CHKA: variants seen among roughly 807,000 people sequenced by gnomAD.
CHKA encodes the protein choline kinase alpha.
A neutral mutation model predicts 60.1 loss-of-function variants in CHKA; 34 were observed. The ratio of observed to expected loss-of-function variants is 0.57; its 90% CI spans 0.43 to 0.75. CHKA has a LOEUF of 0.75. Among genes scored for constraint, CHKA ranks in the 30% least tolerant of loss-of-function variants. The pLI is 0.00. For synonymous variants in CHKA, 217 were observed against 223.1 expected, an observed-to-expected ratio of 0.97 and a Z score of 0.24; for missense variants, 563 against 561.3, an observed-to-expected ratio of 1.00 and a Z score of -0.03.
At chr11:68,065,750 A>G in intron 9 of CHKA, 36 bp downstream of exon 9, 2 of 1,337,272 alleles carry the variant, frequency 1.5e-6, no homozygotes, top group Non-Finnish European at 2.1e-6. Flanking sequence ...TTGACATGTA[A>G]TTTTCCTATC....
intron 1 of CHKA, among the ~76,000 whole-genome samples, chr11:68,113,435 G>T (rs1199476456): frequency 1.3e-5 from 2 of 152,154 alleles, no homozygotes; most frequent in African/African-American, 4.8e-5. Flanking sequence ...GGTGGTTCAC[G>T]CCTGTAATCC....
intron 1 of CHKA, among the ~76,000 whole-genome samples, chr11:68,103,133 C>G (rs1395924305): frequency 6.6e-6 from 1 of 152,070 alleles, no homozygotes; most frequent in Admixed American, 6.6e-5. Context: ...AAGATTCCAT[C>G]CCTCAATAAC....
intron 1 of CHKA, among the ~76,000 whole-genome samples, chr11:68,102,157 T>C (rs1032444182): frequency 6.7e-6 from 1 of 149,660 alleles, no homozygotes; most frequent in Admixed American, 6.7e-5. Flanking sequence ...ATACATTCAA[T>C]GCAATCCCTA....
At chr11:68,120,663 A>G (rs970233430) in intron 1 of CHKA, 165 bp downstream of exon 1, 10 of 240,950 alleles carry the variant, frequency 4.2e-5, no homozygotes, top group Non-Finnish European at 3.0e-5. Context: ...GGGCTGGGAG[A>G]AGGAGGGCTT....
At chr11:68,089,038 A>C (rs1590862691) in intron 2 of CHKA, among the ~76,000 whole-genome samples, 1 of 152,330 alleles carries the variant, frequency 6.6e-6, no homozygotes, top group Non-Finnish European at 1.5e-5. Flanking sequence ...GACCAGCCTA[A>C]AACACCTTGA....
intron 1 of CHKA, among the ~76,000 whole-genome samples, chr11:68,109,067 C>T (rs931242855): frequency 6.6e-6 from 1 of 150,696 alleles, no homozygotes; most frequent in African/African-American, 2.4e-5. Flanking sequence ...GGCAAAGAAA[C>T]CTTTCCTTTT....
At chr11:68,056,067 C>T (rs1856004651) in intron 11 of CHKA, among the ~76,000 whole-genome samples, 1 of 152,020 alleles carries the variant, frequency 6.6e-6, no homozygotes. Context: ...AATAATGAAG[C>T]AGGCTGTTTG....
chr11:68,085,688 A>C (rs1215979419), intron 2 of CHKA, among the ~76,000 whole-genome samples: 1 of 152,210 alleles, frequency 6.6e-6, no homozygotes, highest in African/African-American at 2.4e-5. Context: ...TTTTATAATA[A>C]ATACATTTGA....
chr11:68,083,929 C>T (rs775940352), intron 2 of CHKA, among the ~76,000 whole-genome samples: 185 of 152,042 alleles, frequency 1.2e-3, no homozygotes, highest in Admixed American at 2.3e-3. Flanking sequence ...ATAACTTTTT[C>T]GTCCAGGAAG....
At chr11:68,063,510 T>C (rs1856326897) in intron 10 of CHKA, among the ~76,000 whole-genome samples, 1 of 151,132 alleles carries the variant, frequency 6.6e-6, no homozygotes, top group South Asian at 2.1e-4. Flanking sequence ...AAAAAAATTC[T>C]ATAGGCTCTG....
rs541294696 is a variant in CHKA, at chr11:68,119,552, C to T, written c.350+1276G>A. Among the ~76,000 whole-genome samples the T allele has an allele frequency of 2.2e-3, 333 of 152,278 alleles. 4 individuals carry two copies. The highest frequency in any genetic ancestry group is 0.02 in the Admixed American group (301 of 15,286). On this transcript the variant is annotated intron_variant, in intron 1 of 11. Coordinates refer to ENST00000265689, the MANE Select transcript of CHKA (RefSeq NM_001277.3). ...TGGCGTGATCTCGGCTCACTGCAAC[C>T]GCCGCCTCCCAGGTTCAAGCGATTC...
intron 1 of CHKA, among the ~76,000 whole-genome samples, chr11:68,105,452 T>C (rs1857876955): frequency 7.8e-6 from 1 of 128,482 alleles, no homozygotes; most frequent in Non-Finnish European, 1.5e-5. Flanking sequence ...GAGGAGGAGG[T>C]TGCAGTGAGC....
In CHKA at chr11:68,061,994, T is replaced by C. The variant is rs376609261; in HGVS notation, c.1273A>G (p.Ile425Val). ...ASHFLWGLWS[I>V]VQAKISSIEF... ...ATAGATGAAATCTTGGCTTGTACAA[T>C]GGACCACAGTCCCCAGAGGAAATGA... The change falls in exon 11 of 12, where the codon ATT (isoleucine) becomes GTT (valine). Residue 425 changes from isoleucine (I) to valine (V), a missense_variant. Coordinates refer to ENST00000265689, the MANE Select transcript of CHKA (RefSeq NM_001277.3). 11 of 1,598,440 alleles carry C rather than the reference T, an allele frequency of 6.9e-6. No homozygotes were observed. Among genetic ancestry groups the C allele is most frequent in the Non-Finnish European group, 9.4e-6 (11 of 1,172,496 alleles).
intron 1 of CHKA, among the ~76,000 whole-genome samples, chr11:68,112,562 AT>A (rs1858198048): frequency 6.6e-6 from 1 of 152,200 alleles, no homozygotes; most frequent in South Asian, 2.1e-4. Context: ...GCCCAGCCAG[AT>A]TACTTTTAGA....
chr11:68,061,998 C>CCA lies in CHKA; in HGVS notation c.1267_1268dup (p.Trp423CysfsTer102). Reference sequence around the variant, plus strand: ...ATGAAATCTTGGCTTGTACAATGGACCACAGTCCCCAGAGGAAATGAGATG... The same window carrying CCA: ...ATGAAATCTTGGCTTGTACAATGGACCACACAGTCCCCAGAGGAAATGAGATG... On this transcript the variant is annotated frameshift_variant, in exon 11 of 12. Coordinates refer to ENST00000265689, the MANE Select transcript of CHKA (RefSeq NM_001277.3). LOFTEE classifies it high-confidence loss of function. 6.3e-7 allele frequency: 1 copy of CCA among 1,598,470 alleles called. No homozygotes were observed. Among genetic ancestry groups the CCA allele is most frequent in the Non-Finnish European group, 8.5e-7 (1 of 1,172,252 alleles).
chr11:68,082,628 C>T (rs1357016831), intron 2 of CHKA: 1 of 152,574 alleles, frequency 6.6e-6, no homozygotes, highest in Non-Finnish European at 1.5e-5. Flanking sequence ...ACCACTCATC[C>T]ATCACACACT....
At chr11:68,101,192 C>G (rs1857706584) in intron 1 of CHKA, among the ~76,000 whole-genome samples, 1 of 152,046 alleles carries the variant, frequency 6.6e-6, no homozygotes. Flanking sequence ...TCATGATCTA[C>G]CTGTCTCAGC....
chr11:68,084,296 GTATATGTGTATATACATGTGTATA>G (rs1565182997), intron 2 of CHKA, among the ~76,000 whole-genome samples: 1 of 137,758 alleles, frequency 7.3e-6, no homozygotes, highest in Non-Finnish European at 1.6e-5. Flanking sequence ...ATATATATAC[GTATATGTGTATATACATGTGTATA>G]TATATACACA....
chr11:68,068,189 G>A (rs1231806567), intron 7 of CHKA, among the ~76,000 whole-genome samples: 6 of 152,256 alleles, frequency 3.9e-5, no homozygotes, highest in South Asian at 4.1e-4. Context: ...AGGATTACAC[G>A]TGTTGCGATA....
Sources: allele counts gnomAD v4.1 joint callset (sites outside exome capture counted in the v4.1 genomes callset), GRCh38; gene constraint gnomAD v4.1.1; transcripts MANE v1.5; gene names NCBI Gene and HGNC (gene_info 2026-07-23, HGNC 2026-07-21).